Variants in MYO9B observed in about 807,000 individuals in gnomAD.
The protein encoded by MYO9B is myosin IXB, also known as unconventional myosin-IXb.
Under a neutral mutation model 229.5 loss-of-function variants are expected in MYO9B, and 71 were observed. The observed-to-expected ratio is 0.31, with a 90% CI of 0.26 to 0.38. The LOEUF (loss-of-function observed/expected upper bound fraction) is 0.38. Ranked by LOEUF, MYO9B falls within the 10% of genes least tolerant of loss-of-function variation. MYO9B has a pLI of 1.00. For synonymous variants in MYO9B, 1,185 were observed against 1,235.8 expected, an observed-to-expected ratio of 0.96 and a Z score of 0.86; for missense variants, 2,255 against 2,920.5, an observed-to-expected ratio of 0.77 and a Z score of 5.25.
chr19:17,099,518 G>A (rs2057724305), intron 1 of MYO9B, among the ~76,000 whole-genome samples: 1 of 152,074 alleles, frequency 6.6e-6, no homozygotes, highest in Admixed American at 6.6e-5. Flanking sequence ...CAAGGCGGGA[G>A]GATCGTTTGA....
chr19:17,211,556 A>T, intron 38 of MYO9B, 91 bp from the exon 39 acceptor site: 1 of 1,244,202 alleles, frequency 8.0e-7, no homozygotes, highest in Non-Finnish European at 1.1e-6. Flanking sequence ...ACACAGAGTT[A>T]CATCTAGGAG....
At chr19:17,161,444 C>G (rs1258714844) in intron 8 of MYO9B, among the ~76,000 whole-genome samples, 3 of 152,062 alleles carry the variant, frequency 2.0e-5, no homozygotes, top group Non-Finnish European at 4.4e-5. Flanking sequence ...TTACGGAGGC[C>G]AGGGCAGAAG....
In MYO9B at chr19:17,101,708, G is replaced by A. The variant is rs776331004; in HGVS notation, c.-10G>A. The A allele has an allele frequency of 1.6e-4, 249 of 1,553,664 alleles. No individual in the cohort carries two copies. Among genetic ancestry groups the A allele is most frequent in the Middle Eastern group, 3.4e-4 (2 of 5,930 alleles). ...CCTGGGAGGCATGCTGAAGCCAGGC[G>A]GCCGGCAGGATGAGTGTGAAAGAGG... is the stretch of plus-strand genomic sequence containing the variant. On this transcript the variant is annotated 5_prime_UTR_variant, in exon 2 of 40. Transcript: ENST00000682292. The surrounding 1 kb of genome is among the most constrained non-coding windows in gnomAD (Gnocchi z 4.7).
At chr19:17,192,603 AATAAATAAATAAATAAATAAAGCCCT>A (rs2072997544) in intron 20 of MYO9B, 117 bp from the exon 21 acceptor site, 1 of 148,316 alleles carries the variant, frequency 6.7e-6, no homozygotes, top group Admixed American at 3.2e-4. Flanking sequence ...TCAAAAAAAT[AATAAATAAATAAATAAATAAAGCCCT>A]GGTTGGTCAG....
chr19:17,162,091 A>G (rs111251555), intron 8 of MYO9B, among the ~76,000 whole-genome samples: 3,202 of 151,906 alleles, frequency 0.021, 122 homozygotes, highest in African/African-American at 0.071. Context: ...AGATCACCTG[A>G]GGTCAGAGTT....
chr19:17,184,790 G>A (rs1004432775), intron 16 of MYO9B, 75 bp from the exon 17 acceptor site: 44 of 1,594,648 alleles, frequency 2.8e-5, no homozygotes, highest in Admixed American at 2.1e-4. Context: ...CCCTGGCTTC[G>A]GGGACACCTG....
In MYO9B at chr19:17,211,740, G is replaced by A. The variant is rs1281979786; in HGVS notation, c.6024G>A (p.Leu2008=). Residue 2008 remains leucine (L), a synonymous_variant, in exon 39 of 40, where the codon CTG becomes CTA. Coordinates refer to ENST00000682292, the MANE Select transcript of MYO9B (RefSeq NM_004145.4). ...DSETSASTES[L]LEERAGRGAS... ...AGACGTCGGCCAGCACCGAGAGCCT[G>A]CTGGAGGAGCGGGCCGGGCGGGGGG... 1.2e-5 allele frequency: 20 copies of A among 1,613,208 alleles called. No individual in the cohort carries two copies. The highest frequency in any genetic ancestry group is 1.7e-5 in the Non-Finnish European group (20 of 1,179,786).
chr19:17,109,811 A>C (rs1054212584), intron 2 of MYO9B, among the ~76,000 whole-genome samples: 2 of 151,990 alleles, frequency 1.3e-5, no homozygotes, highest in Non-Finnish European at 1.5e-5. Flanking sequence ...CTCTCATGGG[A>C]TCACCTCATC....
At chr19:17,117,980 A>G (rs550379671) in intron 2 of MYO9B, among the ~76,000 whole-genome samples, 1 of 149,986 alleles carries the variant, frequency 6.7e-6, no homozygotes, top group African/African-American at 2.4e-5. Context: ...ACAGGATTCT[A>G]GTTAGCGGGT....
intron 4 of MYO9B, among the ~76,000 whole-genome samples, chr19:17,153,463 G>A (rs1196526953): frequency 6.6e-6 from 1 of 151,290 alleles, no homozygotes; most frequent in Non-Finnish European, 1.5e-5. Flanking sequence ...TAAGAGGCAG[G>A]ATCACATGAA....
chr19:17,118,422 G>T, intron 2 of MYO9B, among the ~76,000 whole-genome samples: 1 of 151,954 alleles, frequency 6.6e-6, no homozygotes, highest in Non-Finnish European at 1.5e-5. Context: ...ACAACATAGC[G>T]AGAGCCTGTC....
intron 19 of MYO9B, among the ~76,000 whole-genome samples, chr19:17,188,974 C>T (rs993880946): frequency 6.8e-6 from 1 of 147,364 alleles, no homozygotes; most frequent in Non-Finnish European, 1.5e-5. Context: ...ATGGTGAAAC[C>T]CCGTCTCTAC....
rs368816279 is a variant in MYO9B, at chr19:17,202,113, G to A, written c.4663-17G>A. On this transcript the variant is annotated splice_polypyrimidine_tract_variant and intron_variant, in intron 27 of 39. Transcript: ENST00000682292. Reference sequence around the variant, plus strand: ...CCCTTGCCCAGGCCTGCAGGGTGACGCCTAGCATTCCTACAGAACGGGAAG... The same window carrying A: ...CCCTTGCCCAGGCCTGCAGGGTGACACCTAGCATTCCTACAGAACGGGAAG... 113 of 1,612,954 alleles carry A rather than the reference G, an allele frequency of 7.0e-5. No individual in the cohort carries two copies. The African/African-American group carries it at 7.2e-4, about 10-fold the overall frequency.
intron 38 of MYO9B, among the ~76,000 whole-genome samples, 172 bp from the exon 39 acceptor site, chr19:17,211,475 A>C: frequency 6.6e-6 from 1 of 151,924 alleles, no homozygotes; most frequent in East Asian, 1.9e-4. Context: ...GGGTCCGCCT[A>C]TGTTGCCCAG....
In MYO9B at chr19:17,200,628, T is replaced by TC. The variant is rs763429447; in HGVS notation, c.4373-5dup. On this transcript the variant is annotated splice_polypyrimidine_tract_variant and intron_variant, in intron 25 of 39. Transcript: ENST00000682292. ...ACCCACCCTCACCGGCTGCTTCCTGTCCCCCCTCAGCCCCCTCCGGACAGC... is the reference window on the plus strand; with the variant it reads ...ACCCACCCTCACCGGCTGCTTCCTGTCCCCCCCTCAGCCCCCTCCGGACAGC... 8 of 1,606,092 alleles carry TC rather than the reference T, an allele frequency of 5.0e-6. No homozygotes were observed. The highest frequency in any genetic ancestry group is 6.8e-6 in the Non-Finnish European group (8 of 1,175,978).
At chr19:17,179,910 A>T (rs888135299) in intron 14 of MYO9B, among the ~76,000 whole-genome samples, 4 of 145,528 alleles carry the variant, frequency 2.7e-5, no homozygotes, top group African/African-American at 1.1e-4. Flanking sequence ...AAAAAAAAAT[A>T]AAATAAAAAT....
intron 2 of MYO9B, among the ~76,000 whole-genome samples, chr19:17,128,850 GA>G (rs1451506227): frequency 6.6e-6 from 1 of 152,258 alleles, no homozygotes; most frequent in Non-Finnish European, 1.5e-5. Context: ...TAGAAGGAGA[GA>G]GGACTTTTGC....
At chr19:17,100,533 C>T (rs2057734992) in intron 1 of MYO9B, among the ~76,000 whole-genome samples, 1 of 152,188 alleles carries the variant, frequency 6.6e-6, no homozygotes, top group African/African-American at 2.4e-5. Flanking sequence ...TTACCACCTT[C>T]CTGGTGTGCT....
At chr19:17,205,479 C>A in intron 31 of MYO9B, 143 bp downstream of exon 31, 1 of 738,076 alleles carries the variant, frequency 1.4e-6, no homozygotes, top group Non-Finnish European at 2.3e-6. Context: ...CTGCAGAACA[C>A]ACCATTGTCC....
Sources: allele counts gnomAD v4.1 joint callset (sites outside exome capture counted in the v4.1 genomes callset), GRCh38; gene constraint gnomAD v4.1.1; non-coding constraint Gnocchi (gnomAD v3.1); transcripts MANE v1.5; gene names NCBI Gene and HGNC (gene_info 2026-07-23, HGNC 2026-07-21).